The following KSR2 variants were observed in gnomAD, a reference collection of about 807,000 sequenced individuals.
KSR2 encodes the protein kinase suppressor of ras 2.
Under a neutral mutation model 107.8 loss-of-function variants are expected in KSR2, and 25 were observed. The observed-to-expected ratio is 0.23, with a 90% CI of 0.17 to 0.32. KSR2 has a LOEUF of 0.32. Ranked by LOEUF, KSR2 falls within the 10% of genes least tolerant of loss-of-function variation. The probability of loss-of-function intolerance (pLI) is 1.00; values close to 1 mark genes in which losing one functional copy is unlikely to be tolerated. For synonymous variants in KSR2, 480 were observed against 507.0 expected, an observed-to-expected ratio of 0.95 and a Z score of 0.71; for missense variants, 887 against 1,268.9, an observed-to-expected ratio of 0.70 and a Z score of 4.57.
At chr12:117,765,165 G>A (rs1889182160) in intron 3 of KSR2, among the ~76,000 whole-genome samples, 2 of 152,182 alleles carry the variant, frequency 1.3e-5, no homozygotes, top group South Asian at 4.1e-4. Flanking sequence ...TCCATCGCAT[G>A]GTAAGCTCTG....
chr12:117,832,223 G>T (rs1892001233), intron 3 of KSR2, among the ~76,000 whole-genome samples: 1 of 152,200 alleles, frequency 6.6e-6, no homozygotes, highest in Non-Finnish European at 1.5e-5. Flanking sequence ...GGCGGAGTTT[G>T]CAGTGAGCCA....
intron 1 of KSR2, among the ~76,000 whole-genome samples, chr12:117,926,736 G>A (rs1895531009): frequency 6.6e-6 from 1 of 152,202 alleles, no homozygotes; most frequent in African/African-American, 2.4e-5. Context: ...CCTGCAATGT[G>A]GAGGCACAAT....
chr12:117,835,112 C>T (rs761796877), intron 3 of KSR2, among the ~76,000 whole-genome samples: 50 of 152,170 alleles, frequency 3.3e-4, no homozygotes, highest in Non-Finnish European at 1.6e-4. Context: ...ACACCAGGCT[C>T]AGTGAGGCCA....
chr12:117,478,763 T>C (rs1163408687), intron 16 of KSR2, among the ~76,000 whole-genome samples: 1 of 152,190 alleles, frequency 6.6e-6, no homozygotes, highest in Non-Finnish European at 1.5e-5. Context: ...CCCTGAACTT[T>C]TCATTTTAAT....
At chr12:117,591,465 A>AGTG (rs780891377) in intron 5 of KSR2, among the ~76,000 whole-genome samples, 42 of 152,128 alleles carry the variant, frequency 2.8e-4, no homozygotes, top group Non-Finnish European at 1.2e-4. Flanking sequence ...AATTGGAGGC[A>AGTG]GTGGTGGTGG....
At chr12:117,839,274 C>G (rs1892367292) in intron 3 of KSR2, among the ~76,000 whole-genome samples, 1 of 152,180 alleles carries the variant, frequency 6.6e-6, no homozygotes, top group African/African-American at 2.4e-5. Context: ...CTTTTGCAAC[C>G]ATGCTAAGTA....
intron 3 of KSR2, among the ~76,000 whole-genome samples, chr12:117,776,350 A>C (rs1316506784): frequency 1.3e-5 from 2 of 152,194 alleles, no homozygotes; most frequent in Non-Finnish European, 2.9e-5. Context: ...ATCACAGTTA[A>C]AATCTACATC....
At chr12:117,527,809 G>A (rs1242086242) in intron 12 of KSR2, among the ~76,000 whole-genome samples, 1 of 152,158 alleles carries the variant, frequency 6.6e-6, no homozygotes, top group Non-Finnish European at 1.5e-5. Context: ...TTGGATAAAT[G>A]GAGTGTCGTG....
chr12:117,671,834 G>A (rs947409653), intron 4 of KSR2, among the ~76,000 whole-genome samples: 5 of 152,098 alleles, frequency 3.3e-5, no homozygotes, highest in African/African-American at 9.6e-5. Context: ...CCAGGAGTGG[G>A]GTGCCCTCTT....
intron 9 of KSR2, among the ~76,000 whole-genome samples, chr12:117,543,088 T>A (rs185578914): frequency 6.6e-6 from 1 of 152,336 alleles, no homozygotes. Flanking sequence ...CTATAAACAT[T>A]TATTAACAGG....
chr12:117,738,735 C>T (rs569978402), intron 4 of KSR2, among the ~76,000 whole-genome samples: 23 of 152,174 alleles, frequency 1.5e-4, no homozygotes, highest in African/African-American at 5.3e-4. Context: ...ATTAGCTGGG[C>T]ATGATGGCAC....
intron 1 of KSR2, among the ~76,000 whole-genome samples, chr12:117,952,152 T>C (rs1896379807): frequency 8.3e-6 from 1 of 121,210 alleles, no homozygotes; most frequent in Admixed American, 8.6e-5. Flanking sequence ...TTAAATGTTC[T>C]CATCACACAC....
At chr12:117,590,298 A>G (rs1380166366) in intron 5 of KSR2, among the ~76,000 whole-genome samples, 2 of 152,240 alleles carry the variant, frequency 1.3e-5, no homozygotes, top group African/African-American at 4.8e-5. Flanking sequence ...CTGAACAGGA[A>G]GGGCCTCAAG....
In KSR2 at chr12:117,899,055, G is replaced by A. The variant is rs573513573; in HGVS notation, c.181-38624C>T. Among the ~76,000 whole-genome samples, 15 of 152,108 alleles carry A rather than the reference G, an allele frequency of 9.9e-5. 1 individual carries two copies. In the South Asian group the frequency reaches 2.1e-3, roughly 21 times the overall value. On this transcript the variant is annotated intron_variant, in intron 1 of 19. Coordinates refer to ENST00000339824, the MANE Select transcript of KSR2 (RefSeq NM_173598.6). ...GCGCAGATGATCTCATTACATCTTC[G>A]GTAGGTACATCGTGGATATATCACT...
chr12:117,890,479 C>T (rs1255041757), intron 1 of KSR2, among the ~76,000 whole-genome samples: 1 of 152,230 alleles, frequency 6.6e-6, no homozygotes, highest in Non-Finnish European at 1.5e-5. Context: ...TAGAATTCTA[C>T]AGTAGTGCTC....
intron 3 of KSR2, among the ~76,000 whole-genome samples, chr12:117,829,437 G>A (rs1891874255): frequency 6.6e-6 from 1 of 152,080 alleles, no homozygotes; most frequent in African/African-American, 2.4e-5. Context: ...GTATCTTATT[G>A]CATCATGACA....
intron 4 of KSR2, among the ~76,000 whole-genome samples, chr12:117,730,086 C>A (rs2136720955): frequency 1.3e-5 from 2 of 152,300 alleles, no homozygotes; most frequent in Admixed American, 1.3e-4. Context: ...GCCATAGTAG[C>A]ATGAATGCAG....
intron 1 of KSR2, among the ~76,000 whole-genome samples, chr12:117,962,424 G>GGTTTT (rs893189619): frequency 6.7e-5 from 10 of 148,214 alleles, no homozygotes; most frequent in Middle Eastern, 6.8e-3. Flanking sequence ...CCATCGCCTG[G>GGTTTT]GTTTTGTTTT....
At chr12:117,494,953 C>T (rs752181212) in intron 14 of KSR2, among the ~76,000 whole-genome samples, 6 of 152,218 alleles carry the variant, frequency 3.9e-5, no homozygotes, top group East Asian at 1.9e-4. Flanking sequence ...TTGAGTAACA[C>T]GGCAAAGGCC....
Sources: allele counts gnomAD v4.1 joint callset (sites outside exome capture counted in the v4.1 genomes callset), GRCh38; gene constraint gnomAD v4.1.1; transcripts MANE v1.5; gene names NCBI Gene and HGNC (gene_info 2026-07-23, HGNC 2026-07-21).